Variants in MRPL3 observed in about 807,000 individuals in gnomAD.
The protein encoded by MRPL3 is large ribosomal subunit protein uL3m.
Under a neutral mutation model 44.3 loss-of-function variants are expected in MRPL3, and 43 were observed. The observed-to-expected ratio is 0.97, with a 90% CI of 0.76 to 1.25. MRPL3 has a LOEUF of 1.25. MRPL3 is among the 50% of genes most tolerant of loss of function. The pLI, the probability that MRPL3 is intolerant of heterozygous loss-of-function variation, is 0.00. For missense variants in MRPL3, 406 were observed against 427.6 expected (o/e 0.95, Z 0.45); for synonymous variants, 171 against 152.3 (o/e 1.12, Z -0.91).
chr3:131,472,895 A>G (rs1193332862), intron 6 of MRPL3, among the ~76,000 whole-genome samples: 2 of 152,206 alleles, frequency 1.3e-5, no homozygotes, highest in African/African-American at 2.4e-5. Flanking sequence ...AAATGATAAA[A>G]CATTGATGAA....
chr3:131,470,515 T>G (rs920217113), intron 7 of MRPL3, among the ~76,000 whole-genome samples: 3 of 152,122 alleles, frequency 2.0e-5, no homozygotes, highest in Non-Finnish European at 4.4e-5. Flanking sequence ...ACCAACAGGC[T>G]TAAAAGACAA....
chr3:131,470,696 C>A (rs1933721017), intron 7 of MRPL3, among the ~76,000 whole-genome samples: 2 of 152,018 alleles, frequency 1.3e-5, no homozygotes, highest in African/African-American at 2.4e-5. Flanking sequence ...CCCTCCCCCA[C>A]CAAACAGTAT....
intron 4 of MRPL3, among the ~76,000 whole-genome samples, chr3:131,496,177 A>G (rs1219700796): frequency 2.0e-5 from 3 of 152,208 alleles, no homozygotes; most frequent in Non-Finnish European, 4.4e-5. Flanking sequence ...AAGTACAATC[A>G]AGTAGAAAAC....
In MRPL3 at chr3:131,500,386, T is replaced by G. The variant is rs766499887; in HGVS notation, c.369+44A>C. On this transcript the variant is annotated intron_variant, in intron 3 of 9. Coordinates refer to ENST00000264995, the MANE Select transcript of MRPL3 (RefSeq NM_007208.4). ...TTGTTAAGGTTTGCACAAACAGATC[T>G]TGAAACACATAGATATCTCTTACGT... The G allele has an allele frequency of 7.4e-6, 11 of 1,495,510 alleles. No individual in the cohort carries two copies. In the African/African-American group the frequency reaches 1.2e-4, roughly 17 times the overall value. The allele number at this position is 1,495,510 out of a possible 1,614,324, so 92.6% of individuals were successfully genotyped here.
At position 131,468,134 on chromosome 3, in the gene MRPL3, T is replaced by A. The variant is rs780018494; in HGVS notation, c.851A>T (p.Tyr284Phe). Residue 284 changes from tyrosine (Y) to phenylalanine (F), a missense_variant, in exon 9 of 10, where the codon TAT becomes TTT. Transcript: ENST00000264995. ...ATGTCCAGGTACAGAGCCATTTACA[T>A]AGATTATGTTGTGCTTTGTGTTTAT... ...WRINTKHNII[Y>F]VNGSVPGHKN... is the part of the protein sequence containing the mutation. 1 of 1,597,590 alleles carries A rather than the reference T, an allele frequency of 6.3e-7. No homozygotes were observed. Among genetic ancestry groups the A allele is most frequent in the Non-Finnish European group, 8.5e-7 (1 of 1,173,646 alleles).
chr3:131,462,961 T>C, intron 9 of MRPL3, 86 bp from the exon 10 acceptor site: 1 of 1,125,932 alleles, frequency 8.9e-7, no homozygotes, highest in Non-Finnish European at 1.3e-6. Context: ...AAAGAAATAC[T>C]CGCTACTACA....
chr3:131,468,233 C>A, intron 8 of MRPL3, 65 bp from the exon 9 acceptor site: 1 of 895,166 alleles, frequency 1.1e-6, no homozygotes, highest in Non-Finnish European at 1.7e-6. Flanking sequence ...TTACTAAAAG[C>A]TGAGGATGTA....
chr3:131,468,618 T>C (rs564749756), intron 8 of MRPL3, among the ~76,000 whole-genome samples: 1 of 152,108 alleles, frequency 6.6e-6, no homozygotes, highest in South Asian at 2.1e-4. Flanking sequence ...CGTACATAAA[T>C]GGGAGAGAAT....
intron 4 of MRPL3, among the ~76,000 whole-genome samples, chr3:131,494,802 T>G (rs1268963600): frequency 2.0e-5 from 3 of 152,092 alleles, no homozygotes; most frequent in East Asian, 1.9e-4. Flanking sequence ...AAGACTTTTT[T>G]CTTTTTTTCA....
intron 6 of MRPL3, among the ~76,000 whole-genome samples, chr3:131,480,126 C>A (rs193271886): frequency 2.0e-5 from 3 of 152,194 alleles, no homozygotes; most frequent in African/African-American, 7.2e-5. Flanking sequence ...TCATGATGAA[C>A]TAATATGGCA....
At chr3:131,479,275 G>A (rs1356560814) in intron 6 of MRPL3, 1 of 496,322 alleles carries the variant, frequency 2.0e-6, no homozygotes, top group Admixed American at 2.1e-5. Flanking sequence ...GCTCTAAGAA[G>A]TTTAAGTGAC....
intron 6 of MRPL3, among the ~76,000 whole-genome samples, chr3:131,480,670 GTTC>G (rs2110703664): frequency 6.6e-6 from 1 of 152,202 alleles, no homozygotes; most frequent in Admixed American, 6.5e-5. Flanking sequence ...GGCACACTCT[GTTC>G]TTCTCAAAAA....
chr3:131,491,324 G>A (rs1425819228), intron 4 of MRPL3, among the ~76,000 whole-genome samples: 1 of 152,032 alleles, frequency 6.6e-6, no homozygotes, highest in Admixed American at 6.6e-5. Context: ...GCTTAACACA[G>A]GTGACCACTC....
chr3:131,464,071 C>A (rs1228305172), intron 9 of MRPL3, among the ~76,000 whole-genome samples: 1 of 151,986 alleles, frequency 6.6e-6, no homozygotes, highest in Non-Finnish European at 1.5e-5. Context: ...TTTTGTCCCC[C>A]CAATCCATTA....
chr3:131,470,817 A>C (rs1933725454), intron 7 of MRPL3, among the ~76,000 whole-genome samples: 2 of 152,248 alleles, frequency 1.3e-5, no homozygotes, highest in South Asian at 4.1e-4. Flanking sequence ...TTATCAATAC[A>C]TTTACTTATC....
intron 6 of MRPL3, among the ~76,000 whole-genome samples, chr3:131,478,866 T>C (rs1440380217): frequency 6.6e-6 from 1 of 151,914 alleles, no homozygotes; most frequent in African/African-American, 2.4e-5. Context: ...TAATTTTTTG[T>C]CTTTTTAGTA....
chr3:131,499,540 C>T (rs892971158), intron 3 of MRPL3, among the ~76,000 whole-genome samples: 4 of 152,074 alleles, frequency 2.6e-5, no homozygotes, highest in Non-Finnish European at 5.9e-5. Flanking sequence ...TATACTTGAT[C>T]ATTCAGAGCC....
chr3:131,495,942 G>T (rs763917697), intron 4 of MRPL3, among the ~76,000 whole-genome samples: 1 of 152,128 alleles, frequency 6.6e-6, no homozygotes, highest in Non-Finnish European at 1.5e-5. Context: ...GAGTATAGGG[G>T]ACCTAAAGGT....
intron 3 of MRPL3, among the ~76,000 whole-genome samples, chr3:131,499,729 T>C (rs1361188004): frequency 6.6e-6 from 1 of 150,538 alleles, no homozygotes; most frequent in East Asian, 1.9e-4. Context: ...AGTATCTTTC[T>C]ATAATAATAA....
Sources: gnomAD v4.1 joint callset for allele counts (sites outside exome capture counted in the v4.1 genomes callset) on GRCh38, gnomAD v4.1.1 for gene constraint, MANE v1.5 for transcripts, NCBI Gene and HGNC (gene_info 2026-07-23, HGNC 2026-07-21) for gene names.